MSX2: variants seen among roughly 807,000 people sequenced by gnomAD.
MSX2 encodes msh homeobox 2.
Under a neutral mutation model 18.4 loss-of-function variants are expected in MSX2, and 10 were observed. The ratio of observed to expected loss-of-function variants is 0.54; its 90% CI spans 0.34 to 0.92. MSX2 has a LOEUF of 0.92. MSX2 is among the 40% of genes least tolerant of loss of function. MSX2 has a pLI of 0.02. For missense variants in MSX2, 339 were observed against 364.0 expected, an observed-to-expected ratio of 0.93 and a Z score of 0.56; for synonymous variants, 170 against 165.6, an observed-to-expected ratio of 1.03 and a Z score of -0.20.
chr5:174,727,170 G>A (rs964095030), intron 1 of MSX2, among the ~76,000 whole-genome samples: 9 of 152,182 alleles, frequency 5.9e-5, no homozygotes, highest in African/African-American at 1.7e-4. Context: ...GCCAGGCGAC[G>A]GAGCCTGGGG....
intron 1 of MSX2, among the ~76,000 whole-genome samples, chr5:174,727,360 G>A (rs1039951421): frequency 6.6e-6 from 1 of 152,170 alleles, no homozygotes; most frequent in Non-Finnish European, 1.5e-5. Context: ...ATACACATGT[G>A]CGATCCCGGT....
chr5:174,725,413 G>A (rs1448067690), intron 1 of MSX2, among the ~76,000 whole-genome samples: 1 of 152,180 alleles, frequency 6.6e-6, no homozygotes, highest in Non-Finnish European at 1.5e-5. Context: ...GTCTCTGCCT[G>A]GGGAGTGAAG....
In MSX2 at chr5:174,724,708, G is replaced by A. The variant is rs754789827; in HGVS notation, c.49G>A (p.Gly17Ser). The change falls in exon 1 of 2, where the codon GGC becomes AGC. Residue 17 changes from glycine to serine, a missense_variant. Physicochemically the swap from Gly to Ser is moderately conservative, Grantham distance 56. Around this residue, in one of 2 missense-constraint regions of MSX2, gnomAD observed 211 missense variants for 185.4 expected, o/e 1.14. Coordinates refer to ENST00000239243, the MANE Select transcript of MSX2 (RefSeq NM_002449.5). ...TGACTTGTTTTCGCCCGACGAGGAGGGCCCAGCAGTGGTGGCCGGACCAGG... is the reference window on the plus strand; with the variant it reads ...TGACTTGTTTTCGCCCGACGAGGAGAGCCCAGCAGTGGTGGCCGGACCAGG... ...GNDLFSPDEE[G>S]PAVVAGPGPG... is the part of the protein sequence containing the mutation. 104 of 1,591,382 alleles carry A rather than the reference G, an allele frequency of 6.5e-5. No individual in the cohort carries two copies. In the East Asian group the frequency reaches 2.1e-3, roughly 33 times the overall value.
chr5:174,726,644 A>G (rs1436757610), intron 1 of MSX2, among the ~76,000 whole-genome samples: 1 of 151,934 alleles, frequency 6.6e-6, no homozygotes, highest in Non-Finnish European at 1.5e-5. Flanking sequence ...CAGGTGGCAG[A>G]CAGACAGGGC....
chr5:174,724,582 G>A lies in MSX2; in HGVS notation c.-78G>A, dbSNP rs1359789304. The A allele has an allele frequency of 3.3e-6, 5 of 1,533,658 alleles. No individual in the cohort carries two copies. The East Asian group carries it at 7.4e-5, about 23-fold the overall frequency. ...CTCCCAGCGCGCCCCTCCCGTCTCC[G>A]CAGCAAAAAAGTTTGAGTCGCCGCT... On this transcript the variant is annotated 5_prime_UTR_variant, in exon 1 of 2. Coordinates refer to ENST00000239243, the MANE Select transcript of MSX2 (RefSeq NM_002449.5).
At chr5:174,727,311 T>G (rs887285453) in intron 1 of MSX2, among the ~76,000 whole-genome samples, 3 of 151,730 alleles carry the variant, frequency 2.0e-5, no homozygotes, top group Non-Finnish European at 4.4e-5. Flanking sequence ...GGATGGGGAG[T>G]GTTGCATTGG....
chr5:174,727,241 G>C (rs1290881515), intron 1 of MSX2, among the ~76,000 whole-genome samples: 1 of 151,932 alleles, frequency 6.6e-6, no homozygotes, highest in African/African-American at 2.4e-5. Context: ...GATAAACGCT[G>C]TTTTGCCTTA....
chr5:174,729,206 C>A lies in MSX2; in HGVS notation c.427C>A (p.Arg143=). The A allele has an allele frequency of 6.2e-7, 1 of 1,614,114 alleles. No individual in the cohort carries two copies. ...CACCCTGAGGAAACACAAGACCAAT[C>A]GGAAGCCGCGCACGCCCTTTACCAC... ...TCTLRKHKTN[R]KPRTPFTTSQ... The change falls in exon 2 of 2, where the codon CGG becomes AGG. Residue 143 remains arginine, a synonymous_variant. Transcript: ENST00000239243.
At chr5:174,728,720 G>A (rs1283047208) in intron 1 of MSX2, among the ~76,000 whole-genome samples, 5 of 152,124 alleles carry the variant, frequency 3.3e-5, no homozygotes, top group South Asian at 2.1e-4. Context: ...ATTTCTCACC[G>A]ACCACTTGAT....
chr5:174,728,969 GT>G lies in MSX2; in HGVS notation c.380-189del, dbSNP rs1454648006. Among the ~76,000 whole-genome samples, 939 of 3,754 alleles carry G rather than the reference GT, an allele frequency of 0.25. 8 individuals carry two copies. The highest frequency in any genetic ancestry group is 0.37 in the African/African-American group (898 of 2,426). The allele number at this position is 3,754 out of a possible 152,430, so 2.5% of individuals were successfully genotyped here. ...AGTATGTCTTTCCATACATAGATAT[GT>G]GTGTGTGTGTGTGTGTGTGTGTGTG... On this transcript the variant is annotated intron_variant, in intron 1 of 1. Coordinates refer to ENST00000239243, the MANE Select transcript of MSX2 (RefSeq NM_002449.5).
At chr5:174,728,920 G>T (rs138671222) in intron 1 of MSX2, among the ~76,000 whole-genome samples, 7 of 151,396 alleles carry the variant, frequency 4.6e-5, no homozygotes, top group Admixed American at 2.0e-4. Flanking sequence ...TTTGACAAAG[G>T]TACCTTTTTC....
intron 1 of MSX2, 111 bp downstream of exon 1, chr5:174,725,149 C>A: frequency 6.8e-7 from 1 of 1,474,370 alleles, no homozygotes; most frequent in Non-Finnish European, 9.0e-7. Flanking sequence ...CGCTACACTC[C>A]CGGGAAAGCA....
Position 174,729,297 on chromosome 5 carries a change from C to A in MSX2, c.518C>A (p.Ala173Glu). 1 of 1,614,146 alleles carries A rather than the reference C, an allele frequency of 6.2e-7. No homozygotes were observed. ...QKQYLSIAER[A>E]EFSSSLNLTE... ...CAGTACCTCTCCATTGCAGAGCGTGCAGAGTTCTCCAGCTCTCTGAACCTC... is the reference window on the plus strand; with the variant it reads ...CAGTACCTCTCCATTGCAGAGCGTGAAGAGTTCTCCAGCTCTCTGAACCTC... Residue 173 changes from alanine (A) to glutamate (E), a missense_variant, in exon 2 of 2, where the codon GCA becomes GAA. Coordinates refer to ENST00000239243, the MANE Select transcript of MSX2 (RefSeq NM_002449.5).
intron 1 of MSX2, among the ~76,000 whole-genome samples, chr5:174,727,259 G>A (rs1760822796): frequency 6.6e-6 from 1 of 152,008 alleles, no homozygotes; most frequent in Non-Finnish European, 1.5e-5. Context: ...TTATATAATC[G>A]CATCCTTCCT....
Position 174,729,302 on chromosome 5 carries a change from T to C in MSX2, c.523T>C (p.Phe175Leu). Residue 175 changes from phenylalanine to leucine, a missense_variant, in exon 2 of 2, where the codon TTC becomes CTC. Physicochemically the swap from Phe to Leu is conservative, Grantham distance 22 (BLOSUM62 0). Coordinates refer to ENST00000239243, the MANE Select transcript of MSX2 (RefSeq NM_002449.5). ...CCTCTCCATTGCAGAGCGTGCAGAG[T>C]TCTCCAGCTCTCTGAACCTCACAGA... ...QYLSIAERAE[F>L]SSSLNLTETQ... is the part of the protein sequence containing the mutation. 1 of 1,613,854 alleles carries C rather than the reference T, an allele frequency of 6.2e-7. No homozygotes were observed. Among genetic ancestry groups the C allele is most frequent in the Non-Finnish European group, 8.5e-7 (1 of 1,179,962 alleles).
At chr5:174,728,915 C>T (rs991537516) in intron 1 of MSX2, among the ~76,000 whole-genome samples, 4 of 151,588 alleles carry the variant, frequency 2.6e-5, no homozygotes, top group African/African-American at 9.7e-5. Context: ...ATAGTTTTGA[C>T]AAAGGTACCT....
At chr5:174,727,061 A>C (rs533445342) in intron 1 of MSX2, among the ~76,000 whole-genome samples, 29 of 107,378 alleles carry the variant, frequency 2.7e-4, no homozygotes, top group South Asian at 2.6e-3. Flanking sequence ...GTAAAAAAAA[A>C]CAAAAAAACA....
In MSX2 at chr5:174,724,915, G is replaced by T. The variant is rs765510086; in HGVS notation, c.256G>T (p.Ala86Ser). The T allele has an allele frequency of 2.5e-6, 4 of 1,576,590 alleles. No homozygotes were observed. The highest frequency in any genetic ancestry group is 1.7e-4 in the Middle Eastern group (1 of 5,942). ...GCCACTGCTGCTGTCGGGGCACGGCGCTCGGGAAGCGCACAGCCCCGGGCC... is the reference window on the plus strand; with the variant it reads ...GCCACTGCTGCTGTCGGGGCACGGCTCTCGGGAAGCGCACAGCCCCGGGCC... ...LRPLLLSGHG[A>S]REAHSPGPLV... The change falls in exon 1 of 2, where the codon GCT becomes TCT. Residue 86 changes from alanine (A) to serine (S), a missense_variant. Ala to Ser is a moderately conservative substitution (Grantham distance 99). Transcript: ENST00000239243.
Position 174,729,196 on chromosome 5 carries a change from C to A in MSX2, c.417C>A (p.His139Gln). Residue 139 changes from histidine to glutamine, a missense_variant, in exon 2 of 2, where the codon CAC becomes CAA. This residue lies in a region of MSX2 where 128 missense variants were observed against 178.6 expected (regional missense o/e 0.72). Transcript: ENST00000239243. ...CTACCACCTGCACCCTGAGGAAACA[C>A]AAGACCAATCGGAAGCCGCGCACGC... Reference protein sequence around the residue: ...MSPTTCTLRKHKTNRKPRTPF... With the variant: ...MSPTTCTLRKQKTNRKPRTPF... 1 of 1,614,102 alleles carries A rather than the reference C, an allele frequency of 6.2e-7. No homozygotes were observed. Among genetic ancestry groups the A allele is most frequent in the Non-Finnish European group, 8.5e-7 (1 of 1,180,030 alleles).
Sources: gnomAD v4.1 joint callset for allele counts (sites outside exome capture counted in the v4.1 genomes callset) on GRCh38, gnomAD v4.1.1 for gene constraint, gnomAD v4.1.1 regional missense constraint, MANE v1.5 for transcripts, NCBI Gene and HGNC (gene_info 2026-07-23, HGNC 2026-07-21) for gene names.